The following GHDC variants were observed in gnomAD, a reference collection of about 807,000 sequenced individuals.
GHDC encodes GH3 domain-containing protein.
GHDC carries 39 observed loss-of-function variants against 51.5 expected under a neutral mutation model. The ratio of observed to expected loss-of-function variants is 0.76; its 90% CI spans 0.59 to 0.99. The LOEUF (loss-of-function observed/expected upper bound fraction) is 0.99. GHDC is among the 50% of genes least tolerant of loss of function. The probability of loss-of-function intolerance (pLI) is 0.00; values close to 1 mark genes in which losing one functional copy is unlikely to be tolerated. For missense variants in GHDC, 610 were observed against 672.8 expected, an observed-to-expected ratio of 0.91 and a Z score of 1.03; for synonymous variants, 282 against 305.2, an observed-to-expected ratio of 0.92 and a Z score of 0.79.
At position 42,191,245 on chromosome 17, in the gene GHDC, G is replaced by C. The variant is rs779444020; in HGVS notation, c.890-35C>G. The C allele has an allele frequency of 7.5e-6, 11 of 1,465,878 alleles. No homozygotes were observed. In the Admixed American group the frequency reaches 1.9e-4, roughly 25 times the overall value. 90.8% of individuals were successfully genotyped at this position (1,465,878 alleles called of 1,614,324 possible). On this transcript the variant is annotated intron_variant, in intron 5 of 9. Transcript: ENST00000587427. ...CAAAGCAGCCTCCTCAGCGTCTGCT[G>C]GTGCCATCGCTTTCTGCCAGGCAAT...
At chr17:42,192,841 C>G in intron 4 of GHDC, 65 bp downstream of exon 4, 1 of 1,578,304 alleles carries the variant, frequency 6.3e-7, no homozygotes, top group Non-Finnish European at 8.6e-7. Context: ...GGTTTGGCTG[C>G]AAGTCAGAGG....
chr17:42,193,788 G>C lies in GHDC; in HGVS notation c.-35C>G. 1.5e-6 allele frequency: 1 copy of C among 680,800 alleles called. No homozygotes were observed. Among genetic ancestry groups the C allele is most frequent in the Non-Finnish European group, 2.4e-6 (1 of 415,346 alleles). The allele number at this position is 680,800 out of a possible 1,614,324, so 42.2% of individuals were successfully genotyped here. A position where few individuals can be genotyped will look rare whatever the true frequency, so the allele number is the denominator to read the frequency against. On this transcript the variant is annotated 5_prime_UTR_variant, in exon 2 of 10. Transcript: ENST00000587427. The stretch of plus-strand genomic sequence containing the variant: ...TGACCTGAGTGCAGATCCTGCCTCT[G>C]CCGCTTGTTAGCTGTAGGGCCCTGA...
chr17:42,190,224 C>G lies in GHDC; in HGVS notation c.1335G>C (p.Leu445=). Residue 445 remains leucine, a synonymous_variant, in exon 9 of 10, where the codon CTG becomes CTC. Transcript: ENST00000587427. ...SAPHYEVFVA[L]RGLRNLSEEN... is the part of the protein sequence containing the mutation. ...CCTCTGACAGATTCCTCAGCCCCCT[C>G]AGCGCCACAAACACCTCGTAGTGGG... 6.2e-7 allele frequency: 1 copy of G among 1,614,192 alleles called. No homozygotes were observed. Among genetic ancestry groups the G allele is most frequent in the South Asian group, 1.1e-5 (1 of 91,086 alleles).
intron 1 of GHDC, 108 bp downstream of exon 1, chr17:42,194,285 A>G (rs539022910): frequency 4.6e-5 from 7 of 152,486 alleles, no homozygotes; most frequent in South Asian, 2.1e-4. Flanking sequence ...CTGCGTAACG[A>G]TATCTCTTGC....
At position 42,192,947 on chromosome 17, in the gene GHDC, G is replaced by A. The variant is rs2079981159; in HGVS notation, c.346C>T (p.Pro116Ser). 1.2e-6 allele frequency: 2 copies of A among 1,614,118 alleles called. No homozygotes were observed. The highest frequency in any genetic ancestry group is 1.7e-6 in the Non-Finnish European group (2 of 1,180,004). The change falls in exon 4 of 10, where the codon CCC becomes TCC. Residue 116 changes from proline (P) to serine (S), a missense_variant. Transcript: ENST00000587427. Reference sequence around the variant, plus strand: ...CCAAGGTCCTGGTTTGAGGTCGGGGGCAGTGGCTGCTCTCCACTGTCTTCC... The same window carrying A: ...CCAAGGTCCTGGTTTGAGGTCGGGGACAGTGGCTGCTCTCCACTGTCTTCC... ...QQEDSGEQPLPPTSNQDLGEA... is the reference protein window; with the variant it reads ...QQEDSGEQPLSPTSNQDLGEA...
At chr17:42,191,266 G>T in intron 5 of GHDC, 56 bp from the exon 6 acceptor site, 12 of 1,440,536 alleles carry the variant, frequency 8.3e-6, no homozygotes, top group South Asian at 7.6e-5. Flanking sequence ...TTTCTGCCAG[G>T]CAATAGCCCC....
chr17:42,189,685 G>A lies in GHDC; in HGVS notation c.*18C>T, dbSNP rs757491741. The A allele has an allele frequency of 2.6e-5, 35 of 1,364,956 alleles. No homozygotes were observed. Among genetic ancestry groups the A allele is most frequent in the Middle Eastern group, 2.7e-4 (1 of 3,664 alleles). The allele number at this position is 1,364,956 out of a possible 1,614,324, so 84.6% of individuals were successfully genotyped here. A position where few individuals can be genotyped will look rare whatever the true frequency, so the allele number is the denominator to read the frequency against. The stretch of plus-strand genomic sequence containing the variant: ...AGGTGGCCTCTGGGGGGAGCTGGGC[G>A]GTGGGGCAGGACTTGACTCAGGACA... On this transcript the variant is annotated 3_prime_UTR_variant, in exon 10 of 10. Coordinates refer to ENST00000587427, the MANE Select transcript of GHDC (RefSeq NM_032484.5).
At position 42,192,505 on chromosome 17, in the gene GHDC, C is replaced by T. The variant is rs1457102330; in HGVS notation, c.625G>A (p.Val209Ile). 1.2e-6 allele frequency: 2 copies of T among 1,613,656 alleles called. No homozygotes were observed. Among genetic ancestry groups the T allele is most frequent in the Non-Finnish European group, 1.7e-6 (2 of 1,180,054 alleles). ...CCATCAGTCTCCAGGCCCAAGAAAA[C>T]ATCCAGAAGTTCGACAGCCGTCCCA... ...EAGTAVELLD[V>I]FLGLETDGEE... Residue 209 changes from valine (V) to isoleucine (I), a missense_variant, in exon 5 of 10, where the codon GTT (valine) becomes ATT (isoleucine). Physicochemically the swap from Val to Ile is conservative, Grantham distance 29. Transcript: ENST00000587427.
At chr17:42,193,293 C>T (rs1567649317) in intron 3 of GHDC, 24 bp downstream of exon 3, 2 of 1,558,936 alleles carry the variant, frequency 1.3e-6, no homozygotes, top group Non-Finnish European at 1.7e-6. Flanking sequence ...TTTGGGTCAC[C>T]TCCCCAGACC....
rs201383305 is a variant in GHDC, at chr17:42,193,355, C to A, written c.227G>T (p.Gly76Val). 1 of 1,607,052 alleles carries A rather than the reference C, an allele frequency of 6.2e-7. No individual in the cohort carries two copies. Residue 76 changes from glycine (G) to valine (V), a missense_variant, in exon 3 of 10, where the codon GGA becomes GTA. Gly to Val is a moderately radical substitution (Grantham distance 109). Around this residue, in one of 2 missense-constraint regions of GHDC, gnomAD observed 198 missense variants for 262.3 expected, o/e 0.75. Coordinates refer to ENST00000587427, the MANE Select transcript of GHDC (RefSeq NM_032484.5). ...QQQALRWCLQGAQRPHCSLRR... is the reference protein window; with the variant it reads ...QQQALRWCLQVAQRPHCSLRR... ...GAGGGAACAGTGGGGGCGCTGGGCT[C>A]CCTGTAGACACCACCTCAGGGCCTG...
chr17:42,191,020 G>C lies in GHDC; in HGVS notation c.1080C>G (p.Thr360=), dbSNP rs576133973. The change falls in exon 6 of 10, where the codon ACC becomes ACG. Residue 360 remains threonine, a splice_region_variant and synonymous_variant. Coordinates refer to ENST00000587427, the MANE Select transcript of GHDC (RefSeq NM_032484.5). ...ELVLTDRASL[T]RCRLGDVVRV... ...GCAGGGGCTGTGCAGCTGATCACCT[G>C]GTGAGGCTGGCGCGGTCCGTCAGCA... The C allele has an allele frequency of 3.8e-6, 6 of 1,572,272 alleles. No individual in the cohort carries two copies. The highest frequency in any genetic ancestry group is 2.3e-5 in the East Asian group (1 of 44,314).
Position 42,190,199 on chromosome 17 carries a change from CCT to C in GHDC, c.1358_1359del (p.Glu453GlyfsTer120), listed in dbSNP as rs750320133. ...VALRGLRNLS[E>X]ENRDKLDHCL... is the part of the protein sequence containing the mutation. ...GTCTCCTTTACCTTGTCTCGATTTT[CCT>C]CTGACAGATTCCTCAGCCCCCTCAG... On this transcript the variant is annotated frameshift_variant, in exon 9 of 10. Coordinates refer to ENST00000587427, the MANE Select transcript of GHDC (RefSeq NM_032484.5). LOFTEE classifies it high-confidence loss of function. The C allele has an allele frequency of 2.5e-6, 4 of 1,613,826 alleles. No homozygotes were observed. The highest frequency in any genetic ancestry group is 1.3e-5 in the African/African-American group (1 of 74,904).
Position 42,192,916 on chromosome 17 carries a change from G to A in GHDC, c.377C>T (p.Ala126Val). Residue 126 changes from alanine (A) to valine (V), a missense_variant, in exon 4 of 10, where the codon GCC becomes GTC. This residue lies in a region of GHDC where 198 missense variants were observed against 262.3 expected (regional missense o/e 0.75). Transcript: ENST00000587427. The stretch of plus-strand genomic sequence containing the variant: ...GCCATCCTAGATTACCTGCAGAGAG[G>A]CCTCCCCAAGGTCCTGGTTTGAGGT... ...PPTSNQDLGE[A>V]SLQATLLGLA... is the part of the protein sequence containing the mutation. 1 of 1,614,082 alleles carries A rather than the reference G, an allele frequency of 6.2e-7. No individual in the cohort carries two copies. The highest frequency in any genetic ancestry group is 2.2e-5 in the East Asian group (1 of 44,876).
rs1289817102 is a variant in GHDC at position 42,190,191 on chromosome 17, T to C, written c.1368A>G (p.Arg456=). The C allele has an allele frequency of 6.2e-7, 1 of 1,613,744 alleles. No individual in the cohort carries two copies. The highest frequency in any genetic ancestry group is 1.7e-5 in the Admixed American group (1 of 59,978). Reference sequence around the variant, plus strand: ...CTGTCCTCGTCTCCTTTACCTTGTCTCGATTTTCCTCTGACAGATTCCTCA... The same window carrying C: ...CTGTCCTCGTCTCCTTTACCTTGTCCCGATTTTCCTCTGACAGATTCCTCA... ...RGLRNLSEEN[R]DKLDHCLQEA... Residue 456 remains arginine (R), a synonymous_variant, in exon 9 of 10, where the codon CGA becomes CGG. Transcript: ENST00000587427.
Position 42,192,422 on chromosome 17 carries a change from C to T in GHDC, c.708G>A (p.Arg236=). 11 of 1,613,264 alleles carry T rather than the reference C, an allele frequency of 6.8e-6. No individual in the cohort carries two copies. Among genetic ancestry groups the T allele is most frequent in the Non-Finnish European group, 9.3e-6 (11 of 1,179,994 alleles). The change falls in exon 5 of 10, where the codon CGG becomes CGA. Residue 236 remains arginine, a synonymous_variant. Coordinates refer to ENST00000587427, the MANE Select transcript of GHDC (RefSeq NM_032484.5). ...AGNPGAPLRE[R]AAELREALEQ... ...CTAGGGCCTCCCGGAGCTCAGCTGC[C>T]CGTTCACGGAGAGGCGCTCCAGGGT...
Position 42,193,767 on chromosome 17 carries a change from C to A in GHDC, c.-14G>T, listed in dbSNP as rs1314298186. ...ATCAAAGCTTTGGAGTCCCACTGAC[C>A]TGAGTGCAGATCCTGCCTCTGCCGC... On this transcript the variant is annotated splice_region_variant and 5_prime_UTR_variant, in exon 2 of 10. In the 5' UTR this introduces an upstream ATG that the reference lacks. Coordinates refer to ENST00000587427, the MANE Select transcript of GHDC (RefSeq NM_032484.5). 6.3e-6 allele frequency: 5 copies of A among 789,406 alleles called. No homozygotes were observed. Among genetic ancestry groups the A allele is most frequent in the African/African-American group, 1.7e-5 (1 of 57,284 alleles). 48.9% of individuals were successfully genotyped at this position (789,406 alleles called of 1,614,324 possible).
At chr17:42,190,128 C>A in intron 9 of GHDC, 57 bp downstream of exon 9, 1 of 1,564,488 alleles carries the variant, frequency 6.4e-7, no homozygotes, top group South Asian at 1.2e-5. Context: ...CCATGGCACC[C>A]TGGGAGTGTG....
chr17:42,191,092 G>A lies in GHDC; in HGVS notation c.1008C>T (p.Ser336=). The A allele has an allele frequency of 2.5e-6, 4 of 1,576,290 alleles. No individual in the cohort carries two copies. Among genetic ancestry groups the A allele is most frequent in the Non-Finnish European group, 3.4e-6 (4 of 1,164,306 alleles). ...GCTGGGCCTCGGCCAAAAGGAGGGT[G>A]GAGGCAGCTTCCTCCTGGGTGCCTT... ...VKEGTQEEAA[S]TLLLAEAQQG... Residue 336 remains serine, a synonymous_variant, in exon 6 of 10, where the codon TCC becomes TCT. Transcript: ENST00000587427.
At chr17:42,193,052 C>T (rs747437313) in intron 3 of GHDC, 25 bp from the exon 4 acceptor site, 44 of 1,613,996 alleles carry the variant, frequency 2.7e-5, no homozygotes, top group African/African-American at 1.1e-4. Flanking sequence ...ACAACAGAAA[C>T]GCCTCAGGAA....
Sources: allele counts gnomAD v4.1 joint callset, GRCh38; gene constraint gnomAD v4.1.1; regional missense constraint gnomAD v4.1.1; transcripts MANE v1.5; gene names NCBI Gene and HGNC (gene_info 2026-07-23, HGNC 2026-07-21).